CSMD1: variants seen among roughly 807,000 people sequenced by gnomAD.
CSMD1 encodes CUB and sushi domain-containing protein 1.
Under a neutral mutation model 417.5 loss-of-function variants are expected in CSMD1, and 213 were observed. The observed-to-expected ratio is 0.51, with a 90% CI of 0.46 to 0.57. CSMD1 has a LOEUF of 0.57. Ranked by LOEUF, CSMD1 falls within the 20% of genes least tolerant of loss-of-function variation. The pLI, the probability that CSMD1 is intolerant of heterozygous loss-of-function variation, is 0.00. For synonymous variants in CSMD1, 2,862 were observed against 1,736.8 expected, an observed-to-expected ratio of 1.65 and a Z score of -16.11; for missense variants, 6,923 against 4,529.7, an observed-to-expected ratio of 1.53 and a Z score of -15.17.
intron 1 of CSMD1, among the ~76,000 whole-genome samples, chr8:4,966,112 C>T (rs1156396814): frequency 3.3e-5 from 5 of 151,096 alleles, no homozygotes; most frequent in Admixed American, 2.0e-4. Context: ...TTCTGTAATC[C>T]CCGCACTTTG....
At chr8:3,384,536 G>A (rs1446100136) in intron 18 of CSMD1, among the ~76,000 whole-genome samples, 1 of 150,642 alleles carries the variant, frequency 6.6e-6, no homozygotes, top group South Asian at 2.1e-4. Context: ...GATACAACAT[G>A]GGACAGTCCT....
intron 3 of CSMD1, among the ~76,000 whole-genome samples, chr8:4,162,009 C>T (rs191715074): frequency 6.6e-6 from 1 of 152,284 alleles, no homozygotes; most frequent in Admixed American, 6.5e-5. Flanking sequence ...ACTAACCATT[C>T]TGTATTTGCC....
At chr8:3,806,021 G>C (rs948167178) in intron 5 of CSMD1, among the ~76,000 whole-genome samples, 5 of 152,158 alleles carry the variant, frequency 3.3e-5, no homozygotes, top group Admixed American at 2.0e-4. Flanking sequence ...ACCTGGAGCA[G>C]CTTCATTGCA....
chr8:3,215,762 C>A (rs1797845915), intron 29 of CSMD1, among the ~76,000 whole-genome samples: 1 of 151,896 alleles, frequency 6.6e-6, no homozygotes, highest in Admixed American at 6.6e-5. Context: ...AGTCTACCAC[C>A]CTGCTAGAAA....
intron 10 of CSMD1, among the ~76,000 whole-genome samples, chr8:3,549,472 C>G (rs937759195): frequency 6.6e-6 from 1 of 152,180 alleles, no homozygotes; most frequent in African/African-American, 2.4e-5. Context: ...CATGTCGCAG[C>G]AGTGAGAGAT....
At chr8:4,288,241 C>T (rs548096254) in intron 3 of CSMD1, among the ~76,000 whole-genome samples, 1 of 152,102 alleles carries the variant, frequency 6.6e-6, no homozygotes, top group Non-Finnish European at 1.5e-5. Flanking sequence ...GTGCTGGGTG[C>T]CTTCATGAGT....
chr8:3,140,301 T>A (rs898628077), intron 41 of CSMD1, among the ~76,000 whole-genome samples: 1 of 151,974 alleles, frequency 6.6e-6, no homozygotes, highest in African/African-American at 2.4e-5. Flanking sequence ...TCCATTTTGT[T>A]GTGGGAAGTT....
intron 7 of CSMD1, among the ~76,000 whole-genome samples, chr8:3,655,798 G>C (rs531407222): frequency 7.2e-5 from 11 of 151,950 alleles, no homozygotes; most frequent in Non-Finnish European, 1.3e-4. Flanking sequence ...CTAATAGCAA[G>C]AAAGAAAGTC....
chr8:4,304,405 C>G (rs1341278713), intron 3 of CSMD1, among the ~76,000 whole-genome samples: 1 of 152,088 alleles, frequency 6.6e-6, no homozygotes. Flanking sequence ...TTATTACCAT[C>G]TAAGAGCGAC....
At chr8:3,964,573 G>A (rs753522125) in intron 5 of CSMD1, among the ~76,000 whole-genome samples, 1 of 152,160 alleles carries the variant, frequency 6.6e-6, no homozygotes, top group African/African-American at 2.4e-5. Context: ...AAGTCTTGCA[G>A]GTTAATTCTC....
chr8:4,628,618 A>G (rs1172007763), intron 2 of CSMD1, among the ~76,000 whole-genome samples: 1 of 151,454 alleles, frequency 6.6e-6, no homozygotes, highest in African/African-American at 2.4e-5. Flanking sequence ...ATGTTAAAAA[A>G]AATGCTCTCC....
chr8:4,478,448 G>C (rs1800918980), intron 2 of CSMD1, among the ~76,000 whole-genome samples: 1 of 152,036 alleles, frequency 6.6e-6, no homozygotes, highest in South Asian at 2.1e-4. Flanking sequence ...AATGCCTTTA[G>C]ATAAAAATTG....
intron 6 of CSMD1, among the ~76,000 whole-genome samples, chr8:3,752,737 T>C (rs893740025): frequency 6.7e-6 from 1 of 150,098 alleles, no homozygotes; most frequent in South Asian, 2.1e-4. Flanking sequence ...GCCCCTGGAT[T>C]CTGAGGCAGG....
chr8:3,703,592 C>G (rs1190121289), intron 7 of CSMD1, among the ~76,000 whole-genome samples: 4 of 152,064 alleles, frequency 2.6e-5, no homozygotes, highest in African/African-American at 9.7e-5. Flanking sequence ...AGGGGCTCAT[C>G]TTGAACTAAA....
At chr8:4,129,121 T>C (rs1012385005) in intron 3 of CSMD1, among the ~76,000 whole-genome samples, 13 of 151,988 alleles carry the variant, frequency 8.6e-5, no homozygotes, top group Admixed American at 2.0e-4. Context: ...ATTTTTATTG[T>C]TGTTGTTGCT....
chr8:3,088,607 G>A (rs918630059), intron 48 of CSMD1, among the ~76,000 whole-genome samples: 1 of 151,762 alleles, frequency 6.6e-6, no homozygotes, highest in African/African-American at 2.4e-5. Flanking sequence ...TTCTCAGCTG[G>A]GTGAGCCTCT....
intron 7 of CSMD1, among the ~76,000 whole-genome samples, chr8:3,649,145 A>G (rs1797721968): frequency 6.6e-6 from 1 of 152,166 alleles, no homozygotes; most frequent in South Asian, 2.1e-4. Context: ...TTTACAATGC[A>G]ACCTTTATTT....
intron 3 of CSMD1, among the ~76,000 whole-genome samples, chr8:4,293,607 C>G (rs1414226280): frequency 6.6e-6 from 1 of 152,106 alleles, no homozygotes; most frequent in Non-Finnish European, 1.5e-5. Context: ...ATGAACTAAG[C>G]AATACTGCAA....
At chr8:3,315,858 T>G (rs1584986453) in intron 23 of CSMD1, among the ~76,000 whole-genome samples, 1 of 152,192 alleles carries the variant, frequency 6.6e-6, no homozygotes, top group East Asian at 1.9e-4. Flanking sequence ...ATTTAATGAG[T>G]CAATCTTGAA....
Sources: gnomAD v4.1 joint callset for allele counts (sites outside exome capture counted in the v4.1 genomes callset) on GRCh38, gnomAD v4.1.1 for gene constraint, MANE v1.5 for transcripts, NCBI Gene and HGNC (gene_info 2026-07-23, HGNC 2026-07-21) for gene names.